AHCYL1: variants seen among roughly 807,000 people sequenced by gnomAD.
AHCYL1 encodes the protein S-adenosylhomocysteine hydrolase-like protein 1.
A neutral mutation model predicts 79.3 loss-of-function variants in AHCYL1; 20 were observed. That is an observed-to-expected ratio of 0.25 (90% CI 0.18 to 0.37). AHCYL1 has a LOEUF of 0.37. AHCYL1 is among the 10% of genes least tolerant of loss of function. The pLI, the probability that AHCYL1 is intolerant of heterozygous loss-of-function variation, is 1.00. For missense variants in AHCYL1, 330 were observed against 673.6 expected (o/e 0.49, Z 5.65); for synonymous variants, 223 against 242.2 (o/e 0.92, Z 0.74).
At chr1:109,987,654 T>G (rs1407073974) in intron 1 of AHCYL1, among the ~76,000 whole-genome samples, 3 of 152,234 alleles carry the variant, frequency 2.0e-5, no homozygotes, top group Non-Finnish European at 4.4e-5. Context: ...TTGTTTGAGA[T>G]AGAGTGGATG....
Position 110,004,221 on chromosome 1 carries a change from T to C in AHCYL1, c.121-4813T>C, listed in dbSNP as rs934209042. 7.7e-5 allele frequency: 76 copies of C among 985,484 alleles called. No homozygotes were observed. The Admixed American group carries it at 3.6e-3, about 46-fold the overall frequency. The allele number at this position is 985,484 out of a possible 1,614,324, so 61.0% of individuals were successfully genotyped here. ...AGGCGGGAGTCGGCGGGGGAAGATA[T>C]GTGCTGAGATTAGTCAGCCTGCCCT... On this transcript the variant is annotated intron_variant, in intron 1 of 16. Transcript: ENST00000369799.
chr1:109,999,517 G>C (rs181517036), intron 1 of AHCYL1, among the ~76,000 whole-genome samples: 26 of 152,228 alleles, frequency 1.7e-4, no homozygotes, highest in Admixed American at 1.3e-4. Context: ...GCACATAAAA[G>C]TGAGATTATT....
intron 2 of AHCYL1, 148 bp from the exon 3 acceptor site, chr1:110,011,066 A>G: frequency 2.1e-6 from 2 of 967,284 alleles, no homozygotes; most frequent in Non-Finnish European, 1.5e-6. Flanking sequence ...ATTAGAACCT[A>G]GAGGAGCAGA....
At chr1:110,004,461 T>A in intron 1 of AHCYL1, 3 of 985,464 alleles carry the variant, frequency 3.0e-6, no homozygotes, top group Non-Finnish European at 3.6e-6. Context: ...GGTGGGTGTG[T>A]CTGGGAGCAT....
intron 1 of AHCYL1, among the ~76,000 whole-genome samples, chr1:109,991,916 T>C (rs1200924453): frequency 6.6e-6 from 1 of 152,240 alleles, no homozygotes; most frequent in Non-Finnish European, 1.5e-5. Flanking sequence ...CTTCTAGTAC[T>C]TACTAATTGT....
chr1:110,000,422 T>TG (rs1650245769), intron 1 of AHCYL1, among the ~76,000 whole-genome samples: 1 of 152,264 alleles, frequency 6.6e-6, no homozygotes, highest in African/African-American at 2.4e-5. Context: ...CTGCTATTAC[T>TG]GGGCTCTCCT....
chr1:110,020,220 AG>A (rs1651703409), intron 15 of AHCYL1, among the ~76,000 whole-genome samples: 1 of 152,230 alleles, frequency 6.6e-6, no homozygotes, highest in Non-Finnish European at 1.5e-5. Flanking sequence ...TAATTATAAA[AG>A]GGAAGCTTAT....
At position 110,014,759 on chromosome 1, in the gene AHCYL1, A is replaced by G. The variant is rs779890259; in HGVS notation, c.581-4A>G. 2.5e-6 allele frequency: 4 copies of G among 1,612,624 alleles called. No homozygotes were observed. Among genetic ancestry groups the G allele is most frequent in the Non-Finnish European group, 3.4e-6 (4 of 1,178,592 alleles). ...AATCAGCTGATTCATTTCTGTCTCT[A>G]CAGGAGTTGCAGTGTTCGCTTGGAA... On this transcript the variant is annotated splice_region_variant and splice_polypyrimidine_tract_variant and intron_variant, in intron 5 of 16. Coordinates refer to ENST00000369799, the MANE Select transcript of AHCYL1 (RefSeq NM_006621.7).
chr1:110,010,323 C>G (rs560581621), intron 2 of AHCYL1, among the ~76,000 whole-genome samples: 1 of 152,244 alleles, frequency 6.6e-6, no homozygotes, highest in South Asian at 2.1e-4. Context: ...AGGACCTGTA[C>G]ATAGAAGTCA....
At chr1:109,995,885 A>T (rs1650002584) in intron 1 of AHCYL1, among the ~76,000 whole-genome samples, 1 of 152,342 alleles carries the variant, frequency 6.6e-6, no homozygotes, top group East Asian at 1.9e-4. Context: ...CTTTTAGATT[A>T]TCTAGCAAGA....
chr1:110,010,016 T>A (rs1650920634), intron 2 of AHCYL1, among the ~76,000 whole-genome samples: 1 of 152,222 alleles, frequency 6.6e-6, no homozygotes, highest in Non-Finnish European at 1.5e-5. Context: ...TTATCAACAT[T>A]AAGGATTAAC....
intron 1 of AHCYL1, 90 bp downstream of exon 1, chr1:109,985,262 TCTG>T: frequency 6.7e-7 from 1 of 1,484,254 alleles, no homozygotes; most frequent in Non-Finnish European, 9.0e-7. Flanking sequence ...GTTTGGGACT[TCTG>T]GGGGTGACTG....
chr1:109,998,669 G>A (rs1336238033), intron 1 of AHCYL1, among the ~76,000 whole-genome samples: 1 of 152,018 alleles, frequency 6.6e-6, no homozygotes, highest in East Asian at 1.9e-4. Flanking sequence ...GTACAGATGA[G>A]GTTTCGCCAT....
chr1:110,017,279 T>G (rs1651480045), intron 9 of AHCYL1, among the ~76,000 whole-genome samples: 1 of 152,096 alleles, frequency 6.6e-6, no homozygotes, highest in South Asian at 2.1e-4. Context: ...CCCCAGTCCT[T>G]CCTATGACAT....
intron 16 of AHCYL1, among the ~76,000 whole-genome samples, 160 bp from the exon 17 acceptor site, chr1:110,021,514 C>G (rs1367896114): frequency 6.6e-6 from 1 of 152,066 alleles, no homozygotes; most frequent in Non-Finnish European, 1.5e-5. Flanking sequence ...TGTCAGAGAC[C>G]CTGTGGAAGA....
intron 1 of AHCYL1, among the ~76,000 whole-genome samples, chr1:110,006,391 A>G (rs1650657805): frequency 6.6e-6 from 1 of 152,188 alleles, no homozygotes; most frequent in Non-Finnish European, 1.5e-5. Flanking sequence ...AAGCACAGTA[A>G]TTAAGACTTA....
At chr1:110,016,571 T>G in intron 8 of AHCYL1, 96 bp from the exon 9 acceptor site, 1 of 1,573,664 alleles carries the variant, frequency 6.4e-7, no homozygotes, top group South Asian at 1.1e-5. Context: ...TTCCAATTGA[T>G]ATTCTCATGG....
At position 110,022,820 on chromosome 1, in the gene AHCYL1, C is replaced by CATA. The variant is rs1414225682; in HGVS notation, c.*1141_*1142insTAA. On this transcript the variant is annotated 3_prime_UTR_variant, in exon 17 of 17. Coordinates refer to ENST00000369799, the MANE Select transcript of AHCYL1 (RefSeq NM_006621.7). ...TTCATATAATTTGTCTGGGACTATA[C>CATA]ACCCTATATAATGTTAGTTTTACAG... The CATA allele has an allele frequency of 2.0e-5, 3 of 152,370 alleles. No homozygotes were observed. Among genetic ancestry groups the CATA allele is most frequent in the African/African-American group, 7.2e-5 (3 of 41,444 alleles). The allele number at this position is 152,370 out of a possible 1,614,324, so 9.4% of individuals were successfully genotyped here. A position where few individuals can be genotyped will look rare whatever the true frequency, so the allele number is the denominator to read the frequency against.
chr1:110,016,932 C>T (rs1651455401), intron 9 of AHCYL1, among the ~76,000 whole-genome samples: 1 of 152,102 alleles, frequency 6.6e-6, no homozygotes, highest in South Asian at 2.1e-4. Flanking sequence ...CAGATTTTAC[C>T]ATTTTGCCTT....
Sources: gnomAD v4.1 joint callset for allele counts (sites outside exome capture counted in the v4.1 genomes callset) on GRCh38, gnomAD v4.1.1 for gene constraint, MANE v1.5 for transcripts, NCBI Gene and HGNC (gene_info 2026-07-23, HGNC 2026-07-21) for gene names.